Variants in FAM171A1 observed in about 807,000 individuals in gnomAD.
FAM171A1 encodes family with sequence similarity 171 member A1, also known as protein FAM171A1.
In FAM171A1, 23 loss-of-function variants were observed where a neutral mutation model predicts 74.9. That is an observed-to-expected ratio of 0.31 (90% confidence interval 0.22 to 0.44). The LOEUF (loss-of-function observed/expected upper bound fraction) is 0.44, where lower values mean the gene tolerates loss of function less well. Ranked by LOEUF, FAM171A1 falls within the 20% of genes least tolerant of loss-of-function variation. The pLI, the probability that FAM171A1 is intolerant of heterozygous loss-of-function variation, is 1.00. For synonymous variants in FAM171A1, 527 were observed against 505.7 expected, an observed-to-expected ratio of 1.04 and a Z score of -0.57; for missense variants, 1,162 against 1,159.2, an observed-to-expected ratio of 1.00 and a Z score of -0.03.
chr10:15,322,966 CCT>C (rs1351640424), intron 1 of FAM171A1, among the ~76,000 whole-genome samples: 1 of 151,576 alleles, frequency 6.6e-6, no homozygotes, highest in Non-Finnish European at 1.5e-5. Flanking sequence ...ATGGCGAAAC[CCT>C]GTCTCTACTA....
chr10:15,251,503 A>C (rs533661287), intron 4 of FAM171A1, among the ~76,000 whole-genome samples: 48 of 151,826 alleles, frequency 3.2e-4, no homozygotes, highest in African/African-American at 1.1e-3. Flanking sequence ...TCTCAGTTCA[A>C]GCAATTTTCC....
chr10:15,312,424 A>G (rs147625466), intron 1 of FAM171A1, among the ~76,000 whole-genome samples: 108 of 151,970 alleles, frequency 7.1e-4, no homozygotes, highest in Middle Eastern at 3.4e-3. Context: ...ATAAAATGCT[A>G]TGCTGACACT....
intron 1 of FAM171A1, among the ~76,000 whole-genome samples, chr10:15,331,895 A>ATATG (rs1835642758): frequency 7.1e-6 from 1 of 140,686 alleles, no homozygotes; most frequent in African/African-American, 2.6e-5. Flanking sequence ...ATATATATAT[A>ATATG]TGAAACAATT....
At chr10:15,321,312 A>C (rs1471084567) in intron 1 of FAM171A1, among the ~76,000 whole-genome samples, 3 of 152,116 alleles carry the variant, frequency 2.0e-5, no homozygotes, top group African/African-American at 7.2e-5. Context: ...AGTGAACCCC[A>C]ATTTATGTTC....
At chr10:15,236,162 GC>G (rs1260846845) in intron 5 of FAM171A1, among the ~76,000 whole-genome samples, 2 of 152,074 alleles carry the variant, frequency 1.3e-5, no homozygotes, top group African/African-American at 4.8e-5. Flanking sequence ...TCAGGTATGG[GC>G]CCCGACCAAT....
intron 1 of FAM171A1, among the ~76,000 whole-genome samples, chr10:15,370,640 A>G (rs1013781067): frequency 2.6e-5 from 4 of 151,654 alleles, no homozygotes; most frequent in Non-Finnish European, 3.0e-5. Context: ...GGCGCGGCAT[A>G]AAGGGGACCC....
chr10:15,238,926 T>A (rs1305042542), intron 5 of FAM171A1, among the ~76,000 whole-genome samples: 1 of 152,234 alleles, frequency 6.6e-6, no homozygotes, highest in Non-Finnish European at 1.5e-5. Context: ...CAGGTTGCCA[T>A]TAAACAGGAG....
At chr10:15,336,971 T>C (rs1473459237) in intron 1 of FAM171A1, among the ~76,000 whole-genome samples, 1 of 152,042 alleles carries the variant, frequency 6.6e-6, no homozygotes, top group Non-Finnish European at 1.5e-5. Flanking sequence ...CACAACTTAC[T>C]GCAGCCTCGA....
chr10:15,321,921 C>A (rs1835491476), intron 1 of FAM171A1, among the ~76,000 whole-genome samples: 2 of 152,178 alleles, frequency 1.3e-5, no homozygotes. Flanking sequence ...TAATATTTGT[C>A]ATGTAGTTGA....
Position 15,332,436 on chromosome 10 carries a change from A to G in FAM171A1, c.97+38520T>C, listed in dbSNP as rs555917343. The stretch of plus-strand genomic sequence containing the variant: ...AGCCAGTGACTTTCTATACTTCTCA[A>G]TGCTGCATGGGCACCAACAGTATGG... On this transcript the variant is annotated intron_variant, in intron 1 of 7. Transcript: ENST00000378116. Among the ~76,000 whole-genome samples the G allele has an allele frequency of 1.3e-3, 201 of 152,248 alleles. 1 individual carries two copies. Among genetic ancestry groups the G allele is most frequent in the Non-Finnish European group, 2.3e-3 (159 of 68,018 alleles).
chr10:15,330,408 G>A (rs1322647291), intron 1 of FAM171A1, among the ~76,000 whole-genome samples: 1 of 152,036 alleles, frequency 6.6e-6, no homozygotes, highest in African/African-American at 2.4e-5. Context: ...GCATTTCTTT[G>A]GGAGTCATGG....
At chr10:15,282,191 G>T (rs1469523706) in intron 2 of FAM171A1, among the ~76,000 whole-genome samples, 1 of 151,958 alleles carries the variant, frequency 6.6e-6, no homozygotes, top group African/African-American at 2.4e-5. Context: ...AGCTCCTCTT[G>T]CCTCAGCCTC....
At chr10:15,337,004 C>T (rs979826908) in intron 1 of FAM171A1, among the ~76,000 whole-genome samples, 2 of 151,772 alleles carry the variant, frequency 1.3e-5, no homozygotes, top group African/African-American at 4.8e-5. Context: ...AAGTGATCCT[C>T]CCACCTCAGC....
intron 1 of FAM171A1, among the ~76,000 whole-genome samples, chr10:15,290,954 G>A (rs545396746): frequency 6.6e-6 from 1 of 152,132 alleles, no homozygotes; most frequent in Non-Finnish European, 1.5e-5. Flanking sequence ...AGGCTCAAGC[G>A]ATCCTCTCAC....
intron 7 of FAM171A1, 103 bp downstream of exon 7, chr10:15,215,892 GA>G (rs1360292340): frequency 1.8e-5 from 12 of 667,638 alleles, no homozygotes; most frequent in Non-Finnish European, 2.6e-5. Context: ...CTTCAATTTA[GA>G]AAAATTAAAA....
At chr10:15,290,184 C>A (rs183257617) in intron 1 of FAM171A1, among the ~76,000 whole-genome samples, 2 of 151,792 alleles carry the variant, frequency 1.3e-5, no homozygotes, top group South Asian at 4.2e-4. Context: ...ACCGAGACCA[C>A]GCCATTGCAC....
intron 1 of FAM171A1, among the ~76,000 whole-genome samples, chr10:15,358,184 C>T (rs4750630): frequency 0.43 from 65,424 of 151,758 alleles, 14,672 homozygotes; most frequent in East Asian, 0.79. Flanking sequence ...CTATGTTTTC[C>T]AGGCTGGTCT....
intron 6 of FAM171A1, among the ~76,000 whole-genome samples, chr10:15,217,703 T>C (rs531006744): frequency 1.3e-3 from 197 of 151,980 alleles, no homozygotes; most frequent in African/African-American, 3.8e-3. Context: ...AGTGGTGTGA[T>C]CTCAGCTCAT....
intron 1 of FAM171A1, among the ~76,000 whole-genome samples, chr10:15,285,463 G>A (rs1588533742): frequency 6.6e-6 from 1 of 152,216 alleles, no homozygotes; most frequent in African/African-American, 2.4e-5. Context: ...AAGAGGCAAG[G>A]CTGGAGAATA....
Sources: allele counts gnomAD v4.1 joint callset (sites outside exome capture counted in the v4.1 genomes callset), GRCh38; gene constraint gnomAD v4.1.1; transcripts MANE v1.5; gene names NCBI Gene and HGNC (gene_info 2026-07-23, HGNC 2026-07-21).